Variants in NBEA observed in about 807,000 individuals in gnomAD.
NBEA encodes the protein neurobeachin.
A neutral mutation model predicts 343.4 loss-of-function variants in NBEA; 44 were observed. The observed-to-expected ratio is 0.13, with a 90% CI of 0.10 to 0.16. The LOEUF (loss-of-function observed/expected upper bound fraction) is 0.16. Ranked by LOEUF, NBEA falls within the 10% of genes least tolerant of loss-of-function variation. The pLI is 1.00. For synonymous variants in NBEA, 1,175 were observed against 1,238.7 expected, an observed-to-expected ratio of 0.95 and a Z score of 1.08; for missense variants, 2,555 against 3,631.3, an observed-to-expected ratio of 0.70 and a Z score of 7.62.
At chr13:35,330,796 A>G (rs902683479) in intron 36 of NBEA, among the ~76,000 whole-genome samples, 1 of 152,008 alleles carries the variant, frequency 6.6e-6, no homozygotes, top group African/African-American at 2.4e-5. Flanking sequence ...ATTTTTTTCT[A>G]ATAGCTATAT....
At chr13:34,950,849 G>A (rs2059328933) in intron 1 of NBEA, among the ~76,000 whole-genome samples, 1 of 152,100 alleles carries the variant, frequency 6.6e-6, no homozygotes, top group Non-Finnish European at 1.5e-5. Context: ...AGCACTTTGG[G>A]AGTCTGAGGT....
intron 38 of NBEA, among the ~76,000 whole-genome samples, chr13:35,358,729 T>A (rs1432102954): frequency 2.0e-5 from 3 of 147,048 alleles, no homozygotes; most frequent in South Asian, 2.2e-4. Flanking sequence ...AAAAAAAAAA[T>A]TATGGAAATA....
Position 35,646,285 on chromosome 13 carries a change from T to C in NBEA, c.7707T>C (p.Phe2569=), listed in dbSNP as rs1323974555. 6.2e-7 allele frequency: 1 copy of C among 1,613,610 alleles called. No individual in the cohort carries two copies. The highest frequency in any genetic ancestry group is 8.5e-7 in the Non-Finnish European group (1 of 1,179,806). Reference sequence around the variant, plus strand: ...CCATGGAGGCACAGATACAGAACTTTGGACAGACGCCATCTCAGTTGCTTA... The same window carrying C: ...CCATGGAGGCACAGATACAGAACTTCGGACAGACGCCATCTCAGTTGCTTA... ...IKAMEAQIQN[F]GQTPSQLLIE... Residue 2569 remains phenylalanine, a synonymous_variant, in exon 51 of 59, where the codon TTT becomes TTC. Transcript: ENST00000379939.
intron 38 of NBEA, among the ~76,000 whole-genome samples, chr13:35,362,242 A>G (rs1324935087): frequency 6.6e-6 from 1 of 151,940 alleles, no homozygotes; most frequent in Non-Finnish European, 1.5e-5. Context: ...CTGTGCAAAC[A>G]CTATTATGTT....
chr13:35,228,916 G>GCTCTAATAACT (rs1566489393), intron 33 of NBEA, among the ~76,000 whole-genome samples: 7 of 152,078 alleles, frequency 4.6e-5, no homozygotes, highest in African/African-American at 1.7e-4. Context: ...AGTTATTAGA[G>GCTCTAATAACT]TATAAGATTA....
intron 39 of NBEA, among the ~76,000 whole-genome samples, chr13:35,442,900 A>G (rs2045814137): frequency 6.6e-6 from 1 of 152,126 alleles, no homozygotes; most frequent in Non-Finnish European, 1.5e-5. Context: ...TAATCAGAGT[A>G]TATTGTCAGC....
intron 17 of NBEA, among the ~76,000 whole-genome samples, chr13:35,126,094 G>A (rs1566327391): frequency 1.3e-5 from 2 of 152,284 alleles, no homozygotes; most frequent in Non-Finnish European, 1.5e-5. Context: ...GTAAAGGGTG[G>A]GACCAGGTAG....
At position 35,183,579 on chromosome 13, in the gene NBEA, T is replaced by C. The variant is rs376761371; in HGVS notation, c.4832-397T>C. Among the ~76,000 whole-genome samples the C allele has an allele frequency of 7.2e-5, 11 of 152,206 alleles. No individual in the cohort carries two copies. The South Asian group carries it at 2.3e-3, about 32-fold the overall frequency. On this transcript the variant is annotated intron_variant, in intron 29 of 58. Transcript: ENST00000379939. ...GAGAATATTTCATTATAATATACTT[T>C]TGCTTTTAATTTTATTATTCAAATT...
intron 58 of NBEA, among the ~76,000 whole-genome samples, chr13:35,668,846 T>C (rs1017811997): frequency 6.6e-6 from 1 of 152,316 alleles, no homozygotes; most frequent in Non-Finnish European, 1.5e-5. Flanking sequence ...CCCTGGCTTA[T>C]ATGATGTGAG....
chr13:35,140,827 C>T (rs115638453), intron 17 of NBEA, among the ~76,000 whole-genome samples: 1 of 152,254 alleles, frequency 6.6e-6, no homozygotes, highest in African/African-American at 2.4e-5. Context: ...ACTTACCAGG[C>T]TAGTAGTTTA....
chr13:35,345,287 C>A (rs143664498), intron 36 of NBEA, among the ~76,000 whole-genome samples: 2,446 of 152,020 alleles, frequency 0.016, 28 homozygotes, highest in Middle Eastern at 0.034. Flanking sequence ...TACAGAAAAC[C>A]TGCAGCTTTA....
At chr13:35,410,428 G>A (rs540658718) in intron 38 of NBEA, among the ~76,000 whole-genome samples, 1 of 152,250 alleles carries the variant, frequency 6.6e-6, no homozygotes, top group South Asian at 2.1e-4. Context: ...CCCTAGGTAA[G>A]GGGGAATGGA....
chr13:35,112,702 A>G (rs577605154), intron 13 of NBEA, among the ~76,000 whole-genome samples: 3 of 152,308 alleles, frequency 2.0e-5, no homozygotes, highest in Non-Finnish European at 4.4e-5. Flanking sequence ...CAGATTCTCA[A>G]TATTTTACAT....
chr13:35,457,678 G>C (rs763626721), intron 40 of NBEA, among the ~76,000 whole-genome samples: 4 of 152,026 alleles, frequency 2.6e-5, no homozygotes, highest in Admixed American at 2.0e-4. Context: ...GCGAGATCTC[G>C]GTTCACTGCA....
At chr13:35,105,556 C>CA (rs2065879153) in intron 11 of NBEA, among the ~76,000 whole-genome samples, 1 of 152,006 alleles carries the variant, frequency 6.6e-6, no homozygotes, top group South Asian at 2.1e-4. Context: ...TCATTTCTGT[C>CA]AATTACTGAG....
chr13:35,196,915 T>G (rs1289968562), intron 31 of NBEA, among the ~76,000 whole-genome samples: 1 of 152,186 alleles, frequency 6.6e-6, no homozygotes, highest in Non-Finnish European at 1.5e-5. Context: ...AAACTATTTA[T>G]AACATGGCCC....
intron 1 of NBEA, among the ~76,000 whole-genome samples, chr13:35,024,046 A>C (rs1292290653): frequency 6.6e-6 from 1 of 152,148 alleles, no homozygotes; most frequent in African/African-American, 2.4e-5. Context: ...CTCCATGTTT[A>C]GCTCCCACTT....
intron 41 of NBEA, among the ~76,000 whole-genome samples, chr13:35,539,569 C>G (rs766019910): frequency 6.6e-6 from 1 of 151,966 alleles, no homozygotes; most frequent in Non-Finnish European, 1.5e-5. Flanking sequence ...ATTTTCATGA[C>G]ATTAGGATGC....
chr13:35,193,805 A>G (rs558270406), intron 30 of NBEA, among the ~76,000 whole-genome samples: 10 of 152,070 alleles, frequency 6.6e-5, no homozygotes, highest in Non-Finnish European at 1.0e-4. Context: ...CTTTCAGTCT[A>G]TCATCTTTGA....
Sources: gnomAD v4.1 joint callset for allele counts (sites outside exome capture counted in the v4.1 genomes callset) on GRCh38, gnomAD v4.1.1 for gene constraint, MANE v1.5 for transcripts, NCBI Gene and HGNC (gene_info 2026-07-23, HGNC 2026-07-21) for gene names.